Variants in LIFR observed in about 807,000 individuals in gnomAD.
LIFR encodes leukemia inhibitory factor receptor.
In LIFR, 84 loss-of-function variants were observed where a neutral mutation model predicts 122.2. The observed-to-expected ratio is 0.69, with a 90% CI of 0.58 to 0.82. LIFR has a LOEUF of 0.82. Among genes scored for constraint, LIFR ranks in the 40% least tolerant of loss-of-function variants. The probability of loss-of-function intolerance (pLI) is 0.00; values close to 1 mark genes in which losing one functional copy is unlikely to be tolerated. For synonymous variants in LIFR, 422 were observed against 434.7 expected (o/e 0.97, Z 0.36); for missense variants, 1,294 against 1,311.6 (o/e 0.99, Z 0.21).
chr5:38,515,925 AAAT>A (rs1561165498), intron 5 of LIFR, among the ~76,000 whole-genome samples: 1 of 152,190 alleles, frequency 6.6e-6, no homozygotes, highest in Non-Finnish European at 1.5e-5. Context: ...AATTATTATA[AAAT>A]AATAGCATTA....
chr5:38,485,835 C>T lies in LIFR; in HGVS notation c.2481G>A (p.Val827=). ...GGVGPEKSMY[V]VTKENSVGLI... ...GAAACTTACAATTTTCCTTTGTCAC[C>T]ACATACATACTCTTCTCCGGGCCCA... The change falls in exon 17 of 20, where the codon GTG becomes GTA. Residue 827 remains valine, a synonymous_variant. Transcript: ENST00000453190. 6.2e-7 allele frequency: 1 copy of T among 1,614,036 alleles called. No individual in the cohort carries two copies. Among genetic ancestry groups the T allele is most frequent in the Non-Finnish European group, 8.5e-7 (1 of 1,179,970 alleles).
intron 1 of LIFR, among the ~76,000 whole-genome samples, chr5:38,569,185 ATTC>A (rs1320922519): frequency 2.0e-5 from 3 of 152,360 alleles, no homozygotes; most frequent in Admixed American, 2.0e-4. Flanking sequence ...TTAATTTCTC[ATTC>A]TTCTTGCTCA....
intron 14 of LIFR, 38 bp downstream of exon 14, chr5:38,493,568 T>G: frequency 6.3e-7 from 1 of 1,584,806 alleles, no homozygotes; most frequent in Non-Finnish European, 8.7e-7. Context: ...TTAAAAATAT[T>G]TTGTAGAACT....
rs761675887 is a variant in LIFR at position 38,528,759 on chromosome 5, C to T, written c.224G>A (p.Arg75His). 4.4e-6 allele frequency: 7 copies of T among 1,596,532 alleles called. No homozygotes were observed. The highest frequency in any genetic ancestry group is 2.3e-5 in the East Asian group (1 of 44,380). The stretch of plus-strand genomic sequence containing the variant: ...AATGCAAACTTCATAATCAGTACCA[C>T]GGCCTGTTCCAGAGGGTGCTTTCCA... ...CSWKAPSGTGRGTDYEVCIEN... is the reference protein window; with the variant it reads ...CSWKAPSGTGHGTDYEVCIEN... Residue 75 changes from arginine to histidine, a missense_variant, in exon 3 of 20, where the codon CGT becomes CAT. By Grantham distance (29) the Arg-to-His change is conservative. Coordinates refer to ENST00000453190, the MANE Select transcript of LIFR (RefSeq NM_001127671.2).
intron 7 of LIFR, 97 bp downstream of exon 7, chr5:38,510,367 A>C: frequency 5.6e-6 from 6 of 1,067,794 alleles, no homozygotes; most frequent in Non-Finnish European, 7.0e-6. Context: ...AAGAAACAGA[A>C]TCACTCCTCC....
In LIFR at chr5:38,481,516, A is replaced by C; in HGVS notation, c.*79T>G. 2.8e-6 allele frequency: 4 copies of C among 1,434,660 alleles called. No individual in the cohort carries two copies. Among genetic ancestry groups the C allele is most frequent in the Non-Finnish European group, 3.9e-6 (4 of 1,016,978 alleles). The allele number at this position is 1,434,660 out of a possible 1,614,324, so 88.9% of individuals were successfully genotyped here. On this transcript the variant is annotated 3_prime_UTR_variant, in exon 20 of 20. Transcript: ENST00000453190. ...AACAATACTTCACAGGATCCCTCCA[A>C]GAATGCCCAGTGCTGATGTAGCAAC...
chr5:38,538,622 C>T (rs747446087), intron 1 of LIFR, among the ~76,000 whole-genome samples: 23 of 152,188 alleles, frequency 1.5e-4, no homozygotes, highest in Non-Finnish European at 2.5e-4. Flanking sequence ...TCCCACCTGA[C>T]TTGCCACTTT....
At chr5:38,492,314 T>C (rs936501343) in intron 14 of LIFR, among the ~76,000 whole-genome samples, 3 of 152,178 alleles carry the variant, frequency 2.0e-5, no homozygotes, top group African/African-American at 7.2e-5. Flanking sequence ...CTTCCCCATA[T>C]CCTGCAGGTC....
At chr5:38,568,968 G>A (rs1317110552) in intron 1 of LIFR, among the ~76,000 whole-genome samples, 3 of 152,202 alleles carry the variant, frequency 2.0e-5, no homozygotes, top group African/African-American at 7.2e-5. Flanking sequence ...GAGAGGTAGG[G>A]GCCTTTATAT....
chr5:38,578,850 C>T (rs192739145), intron 1 of LIFR, among the ~76,000 whole-genome samples: 18 of 152,322 alleles, frequency 1.2e-4, no homozygotes, highest in Non-Finnish European at 1.9e-4. Flanking sequence ...AGCCACCACG[C>T]GCAGCCTAGA....
intron 1 of LIFR, among the ~76,000 whole-genome samples, chr5:38,562,599 A>G (rs542664418): frequency 8.5e-5 from 13 of 152,326 alleles, no homozygotes; most frequent in Middle Eastern, 3.4e-3. Flanking sequence ...TTCCTATGCT[A>G]CTGCACTCAG....
At position 38,484,690 on chromosome 5, in the gene LIFR, C is replaced by T; in HGVS notation, c.2591+85G>A. On this transcript the variant is annotated intron_variant, in intron 18 of 19. Coordinates refer to ENST00000453190, the MANE Select transcript of LIFR (RefSeq NM_001127671.2). ...AACTTATTACAACAAAAAAGATACACTTATTTAATACATAAACTAATCTTA... is the reference window on the plus strand; with the variant it reads ...AACTTATTACAACAAAAAAGATACATTTATTTAATACATAAACTAATCTTA... 4.6e-6 allele frequency: 4 copies of T among 865,186 alleles called. No homozygotes were observed. In the South Asian group the frequency reaches 5.8e-5, roughly 13 times the overall value. 53.6% of individuals were successfully genotyped at this position (865,186 alleles called of 1,614,324 possible).
Position 38,530,413 on chromosome 5 carries a change from C to T in LIFR, c.142+93G>A, listed in dbSNP as rs1409094672. On this transcript the variant is annotated intron_variant, in intron 2 of 19. Coordinates refer to ENST00000453190, the MANE Select transcript of LIFR (RefSeq NM_001127671.2). ...AAAATGAATTTTAACCAACAAAATCCTAAAGGGGTCAATAAAGCAACAAAA... is the reference window on the plus strand; with the variant it reads ...AAAATGAATTTTAACCAACAAAATCTTAAAGGGGTCAATAAAGCAACAAAA... 3.4e-5 allele frequency: 36 copies of T among 1,072,336 alleles called. No homozygotes were observed. In the East Asian group the frequency reaches 7.6e-4, roughly 23 times the overall value. The allele number at this position is 1,072,336 out of a possible 1,614,324, so 66.4% of individuals were successfully genotyped here.
chr5:38,520,510 A>G (rs1457234851), intron 5 of LIFR, among the ~76,000 whole-genome samples: 2 of 152,192 alleles, frequency 1.3e-5, no homozygotes, highest in Non-Finnish European at 2.9e-5. Context: ...AGTTTTAGCC[A>G]TAAAATCTTT....
At chr5:38,532,670 G>A (rs1747076627) in intron 1 of LIFR, among the ~76,000 whole-genome samples, 1 of 152,092 alleles carries the variant, frequency 6.6e-6, no homozygotes, top group Non-Finnish European at 1.5e-5. Context: ...GAGAATTCTG[G>A]GCAAGTCTAT....
Position 38,479,315 on chromosome 5 carries a change from T to C in LIFR, c.*2280A>G, listed in dbSNP as rs1206818806. ...CTGCTTCTCATTAAGCTAGTGATCC[T>C]CGTGTAGGGGATCCAAAAGTAGGGG... On this transcript the variant is annotated 3_prime_UTR_variant, in exon 20 of 20. Transcript: ENST00000453190. The C allele has an allele frequency of 1.3e-5, 3 of 231,762 alleles. No homozygotes were observed. The highest frequency in any genetic ancestry group is 2.6e-5 in the Non-Finnish European group (3 of 117,160). The allele number at this position is 231,762 out of a possible 1,614,324, so 14.4% of individuals were successfully genotyped here.
At chr5:38,531,691 T>A (rs1747018053) in intron 1 of LIFR, among the ~76,000 whole-genome samples, 3 of 151,458 alleles carry the variant, frequency 2.0e-5, no homozygotes, top group Non-Finnish European at 2.9e-5. Context: ...AAATTGAAAA[T>A]GTGGGAAAAG....
At chr5:38,488,029 A>AGTTTGG (rs1744383582) in intron 16 of LIFR, among the ~76,000 whole-genome samples, 1 of 151,952 alleles carries the variant, frequency 6.6e-6, no homozygotes, top group South Asian at 2.1e-4. Context: ...GCTTTATTAG[A>AGTTTGG]GTTTGGGGGT....
At chr5:38,528,881 C>G (rs1198724217) in intron 2 of LIFR, 41 bp from the exon 3 acceptor site, 24 of 1,012,274 alleles carry the variant, frequency 2.4e-5, no homozygotes, top group Non-Finnish European at 3.3e-5. Flanking sequence ...CACACACAGA[C>G]ACACATAAAC....
Sources: allele counts gnomAD v4.1 joint callset (sites outside exome capture counted in the v4.1 genomes callset), GRCh38; gene constraint gnomAD v4.1.1; transcripts MANE v1.5; gene names NCBI Gene and HGNC (gene_info 2026-07-23, HGNC 2026-07-21).